The following IL1RAPL2 variants were observed in gnomAD, a reference collection of about 807,000 sequenced individuals.
The protein encoded by IL1RAPL2 is interleukin 1 receptor accessory protein like 2.
In IL1RAPL2, 3 loss-of-function variants were observed where a neutral mutation model predicts 44.1. The observed-to-expected ratio is 0.07, with a 90% CI of 0.03 to 0.18. IL1RAPL2 has a LOEUF of 0.18. IL1RAPL2 is among the 10% of genes least tolerant of loss of function. IL1RAPL2 has a pLI of 1.00. For synonymous variants in IL1RAPL2, 181 were observed against 178.8 expected (o/e 1.01, Z -0.10); for missense variants, 391 against 496.4 (o/e 0.79, Z 2.02).
At chrX:104,608,188 A>G (rs1461392641) in intron 1 of IL1RAPL2, among the ~76,000 whole-genome samples, 3 of 109,301 alleles carry the variant, frequency 2.7e-5, no homozygotes, top group African/African-American at 1.0e-4. Flanking sequence ...ATGAGAACAC[A>G]TGGACACGTG....
In IL1RAPL2 at chrX:105,432,901, C is replaced by A. The variant is rs762007380; in HGVS notation, c.698-51412C>A. On this transcript the variant is annotated intron_variant, in intron 5 of 10. Transcript: ENST00000372582. Reference sequence around the variant, plus strand: ...TTGTCTCTATTTAAACAATTATTTGCCAGTCTGTATAATAATTGATTTTTT... The same window carrying A: ...TTGTCTCTATTTAAACAATTATTTGACAGTCTGTATAATAATTGATTTTTT... 2.7e-5 allele frequency among the ~76,000 whole-genome samples: 3 copies of A among 109,851 alleles called. No homozygotes were observed. In the East Asian group the frequency reaches 8.6e-4, roughly 32 times the overall value.
intron 2 of IL1RAPL2, among the ~76,000 whole-genome samples, chrX:105,161,056 A>G (rs1050676415): frequency 9.0e-6 from 1 of 110,564 alleles, no homozygotes; most frequent in Non-Finnish European, 1.9e-5. Context: ...CCTGGGCAAC[A>G]TAGTAAAACA....
chrX:105,517,604 A>G (rs1032194738), intron 6 of IL1RAPL2, among the ~76,000 whole-genome samples: 1 of 111,105 alleles, frequency 9.0e-6, no homozygotes, highest in East Asian at 2.8e-4. Context: ...CCTATCCCAG[A>G]CTTCAAGGAA....
chrX:105,014,890 A>G (rs1452202978), intron 2 of IL1RAPL2, among the ~76,000 whole-genome samples: 2 of 111,516 alleles, frequency 1.8e-5, no homozygotes, highest in Non-Finnish European at 3.8e-5. Flanking sequence ...GAATTGCCAC[A>G]CTCTCTTCCA....
At chrX:105,079,014 C>T (rs2032360395) in intron 2 of IL1RAPL2, among the ~76,000 whole-genome samples, 1 of 112,347 alleles carries the variant, frequency 8.9e-6, no homozygotes, top group Non-Finnish European at 1.9e-5. Flanking sequence ...CTTCGGCTCA[C>T]ACACAGTGCA....
rs992455343 is a variant in IL1RAPL2, at chrX:105,368,635, CA to C, written c.697+101095del. Among the ~76,000 whole-genome samples the C allele has an allele frequency of 2.7e-5, 3 of 111,403 alleles. No individual in the cohort carries two copies. The Admixed American group carries it at 2.9e-4, about 11-fold the overall frequency. On this transcript the variant is annotated intron_variant, in intron 5 of 10. Transcript: ENST00000372582. ...TTCTACCTTTGTCTTTAACCTTTGA[CA>C]GTTTAATTATTAAGTGTTTTGGTGT... is the stretch of plus-strand genomic sequence containing the variant.
intron 4 of IL1RAPL2, among the ~76,000 whole-genome samples, chrX:105,251,979 C>A (rs1307081950): frequency 1.8e-5 from 2 of 110,613 alleles, no homozygotes; most frequent in African/African-American, 6.5e-5. Context: ...AAATTCATCC[C>A]TTTTACATGT....
At chrX:105,742,963 C>CT (rs1342607811) in intron 8 of IL1RAPL2, among the ~76,000 whole-genome samples, 1 of 111,266 alleles carries the variant, frequency 9.0e-6, no homozygotes. Context: ...TTCACTTTCT[C>CT]TTTTTTCTAC....
intron 6 of IL1RAPL2, among the ~76,000 whole-genome samples, chrX:105,589,500 G>A (rs372236716): frequency 9.9e-5 from 11 of 111,354 alleles, no homozygotes; most frequent in East Asian, 5.7e-4. Context: ...AGGGTTTTTC[G>A]TAGTTTTGGG....
chrX:104,694,042 G>A (rs1931138502), intron 2 of IL1RAPL2, among the ~76,000 whole-genome samples: 2 of 111,759 alleles, frequency 1.8e-5, no homozygotes, highest in Non-Finnish European at 3.8e-5. Flanking sequence ...ATTTGCATTT[G>A]GGGGGAACCT....
At chrX:105,429,380 G>A (rs1409670512) in intron 5 of IL1RAPL2, among the ~76,000 whole-genome samples, 3 of 112,019 alleles carry the variant, frequency 2.7e-5, no homozygotes, top group Non-Finnish European at 5.7e-5. Context: ...TTTATTGTCA[G>A]AGATTTGATT....
intron 2 of IL1RAPL2, among the ~76,000 whole-genome samples, chrX:104,811,710 C>T (rs1043324581): frequency 3.6e-5 from 4 of 110,587 alleles, no homozygotes; most frequent in African/African-American, 1.3e-4. Flanking sequence ...GGGGTCTTAG[C>T]GAATCATCAG....
intron 2 of IL1RAPL2, among the ~76,000 whole-genome samples, chrX:104,844,153 TTTC>T (rs1394994129): frequency 9.0e-6 from 1 of 110,996 alleles, no homozygotes; most frequent in Non-Finnish European, 1.9e-5. Context: ...ATCCTTCCTA[TTTC>T]TTCTTAATTC....
chrX:105,458,250 T>C (rs1460814146), intron 5 of IL1RAPL2, among the ~76,000 whole-genome samples: 2 of 111,632 alleles, frequency 1.8e-5, no homozygotes, highest in African/African-American at 3.2e-5. Context: ...GCAAATATTT[T>C]CTCCCATTCT....
At chrX:105,594,772 A>G (rs1409765126) in intron 6 of IL1RAPL2, among the ~76,000 whole-genome samples, 1 of 111,876 alleles carries the variant, frequency 8.9e-6, no homozygotes, top group Non-Finnish European at 1.9e-5. Context: ...TCCTAAGTGA[A>G]TTAACACTGG....
At chrX:104,895,659 C>T (rs1056037690) in intron 2 of IL1RAPL2, among the ~76,000 whole-genome samples, 15 of 111,849 alleles carry the variant, frequency 1.3e-4, no homozygotes, top group Non-Finnish European at 2.1e-4. Context: ...GTGGGAGTGG[C>T]CCGATTTTCC....
intron 6 of IL1RAPL2, among the ~76,000 whole-genome samples, chrX:105,677,709 G>A (rs1457562881): frequency 1.8e-5 from 2 of 110,913 alleles, no homozygotes; most frequent in Admixed American, 1.9e-4. Flanking sequence ...TACACCACTG[G>A]CCTTTACCAG....
intron 2 of IL1RAPL2, among the ~76,000 whole-genome samples, chrX:105,164,033 G>A (rs1187884275): frequency 9.1e-6 from 1 of 110,350 alleles, no homozygotes; most frequent in Non-Finnish European, 1.9e-5. Context: ...AGACATTCAT[G>A]TGTTCTTGTC....
chrX:105,653,002 C>T (rs1447805750), intron 6 of IL1RAPL2, among the ~76,000 whole-genome samples: 1 of 111,040 alleles, frequency 9.0e-6, no homozygotes, highest in Non-Finnish European at 1.9e-5. Flanking sequence ...CTACTGTATA[C>T]AAATACTGTG....
Sources: allele counts gnomAD v4.1 joint callset (sites outside exome capture counted in the v4.1 genomes callset), GRCh38; gene constraint gnomAD v4.1.1; transcripts MANE v1.5; gene names NCBI Gene and HGNC (gene_info 2026-07-23, HGNC 2026-07-21).